The following PIK3CB variants were observed in gnomAD, a reference collection of about 807,000 sequenced individuals.
The protein encoded by PIK3CB is phosphatidylinositol-4,5-bisphosphate 3-kinase catalytic subunit beta.
Under a neutral mutation model 136.8 loss-of-function variants are expected in PIK3CB, and 39 were observed. The observed-to-expected ratio is 0.29, with a 90% CI of 0.22 to 0.37. The LOEUF (loss-of-function observed/expected upper bound fraction) is 0.37, where lower values mean the gene tolerates loss of function less well. Among genes scored for constraint, PIK3CB ranks in the 10% least tolerant of loss-of-function variants. The probability of loss-of-function intolerance (pLI) is 1.00; values close to 1 mark genes in which losing one functional copy is unlikely to be tolerated. For missense variants in PIK3CB, 868 were observed against 1,275.4 expected (o/e 0.68, Z 4.87); for synonymous variants, 428 against 436.6 (o/e 0.98, Z 0.25).
chr3:138,825,933 A>G (rs1673916517), intron 1 of PIK3CB: 1 of 1,557,744 alleles, frequency 6.4e-7, no homozygotes, highest in Non-Finnish European at 8.6e-7. Flanking sequence ...GACAGCAAAA[A>G]TGACCCACCA....
At chr3:138,807,263 G>A (rs1444193605) in intron 1 of PIK3CB, among the ~76,000 whole-genome samples, 3 of 151,798 alleles carry the variant, frequency 2.0e-5, no homozygotes, top group Non-Finnish European at 2.9e-5. Context: ...GTGAAACCCC[G>A]TCTCTACAAA....
At chr3:138,775,437 T>C (rs1474320740) in intron 2 of PIK3CB, among the ~76,000 whole-genome samples, 1 of 152,186 alleles carries the variant, frequency 6.6e-6, no homozygotes, top group South Asian at 2.1e-4. Context: ...AGTGAGAGAC[T>C]AGCGGAGGCA....
intron 23 of PIK3CB, 99 bp from the exon 24 acceptor site, chr3:138,655,625 C>G (rs2108383655): frequency 1.2e-6 from 1 of 840,106 alleles, no homozygotes; most frequent in East Asian, 2.4e-5. Flanking sequence ...CCTCCCCAGC[C>G]ACCATCAGGC....
rs1353548041 is a variant in PIK3CB, at chr3:138,773,883, G to A, written c.-16-14524C>T. On this transcript the variant is annotated intron_variant, in intron 2 of 23. Coordinates refer to ENST00000674063, the MANE Select transcript of PIK3CB (RefSeq NM_006219.3). The stretch of plus-strand genomic sequence containing the variant: ...TCAAGTGAACAGTATTTGGGACATG[G>A]GAACTATCATTAAGTGTTAAGCTAT... Among the ~76,000 whole-genome samples the A allele has an allele frequency of 2.0e-5, 3 of 152,120 alleles. No individual in the cohort carries two copies. In the East Asian group the frequency reaches 5.8e-4, roughly 29 times the overall value.
intron 1 of PIK3CB, among the ~76,000 whole-genome samples, chr3:138,818,178 C>T (rs566224537): frequency 3.3e-5 from 5 of 152,018 alleles, no homozygotes; most frequent in Non-Finnish European, 5.9e-5. Context: ...TCAGTTTGAC[C>T]AGAGAATAAA....
intron 2 of PIK3CB, among the ~76,000 whole-genome samples, chr3:138,777,064 A>T (rs1382532173): frequency 6.6e-6 from 1 of 152,202 alleles, no homozygotes; most frequent in African/African-American, 2.4e-5. Context: ...ATTATTTTAC[A>T]TCACTCCTGC....
intron 5 of PIK3CB, among the ~76,000 whole-genome samples, chr3:138,739,154 AGACCCCAGAG>A (rs2045181907): frequency 6.6e-6 from 1 of 152,104 alleles, no homozygotes; most frequent in Admixed American, 6.6e-5. Flanking sequence ...CTTATAAAAG[AGACCCCAGAG>A]GCCGTGCACG....
At chr3:138,751,549 C>G (rs398065) in intron 4 of PIK3CB, among the ~76,000 whole-genome samples, 88,904 of 151,962 alleles carry the variant, frequency 0.59, 26,814 homozygotes, top group East Asian at 0.98. Flanking sequence ...ATACCTTCTT[C>G]TAAGAGAATC....
At chr3:138,747,054 T>TTATATATA (rs59299476) in intron 4 of PIK3CB, among the ~76,000 whole-genome samples, 7 of 42,246 alleles carry the variant, frequency 1.7e-4, no homozygotes, top group Admixed American at 4.0e-4. Flanking sequence ...TATTCAGCCT[T>TTATATATA]TATATATATA....
chr3:138,722,586 AAAAAC>A (rs1176170569), intron 8 of PIK3CB, among the ~76,000 whole-genome samples: 1 of 152,148 alleles, frequency 6.6e-6, no homozygotes, highest in Non-Finnish European at 1.5e-5. Context: ...GCTAGTATTT[AAAAAC>A]AAAACAAAAC....
At chr3:138,771,719 C>T (rs1227846571) in intron 2 of PIK3CB, among the ~76,000 whole-genome samples, 2 of 152,034 alleles carry the variant, frequency 1.3e-5, no homozygotes, top group African/African-American at 4.8e-5. Context: ...AACATCTGCA[C>T]CAGCCTGGGC....
chr3:138,747,131 T>A (rs2045377711), intron 4 of PIK3CB, among the ~76,000 whole-genome samples: 1 of 103,844 alleles, frequency 9.6e-6, no homozygotes, highest in African/African-American at 3.5e-5. Context: ...GCAGGCACAA[T>A]CACAGCACAC....
chr3:138,829,852 C>G (rs902762422), intron 1 of PIK3CB, among the ~76,000 whole-genome samples: 5 of 152,080 alleles, frequency 3.3e-5, no homozygotes, highest in African/African-American at 1.2e-4. Flanking sequence ...CCATGCGAAC[C>G]CATTACATTG....
intron 1 of PIK3CB, among the ~76,000 whole-genome samples, chr3:138,811,576 C>T (rs981689488): frequency 5.3e-5 from 8 of 151,746 alleles, no homozygotes; most frequent in South Asian, 2.1e-4. Flanking sequence ...CAGGCGCCCG[C>T]GACCACACCT....
rs753111851 is a variant in PIK3CB, at chr3:138,734,739, G to A, written c.867C>T (p.Ile289=). The A allele has an allele frequency of 6.2e-7, 1 of 1,613,064 alleles. No homozygotes were observed. Among genetic ancestry groups the A allele is most frequent in the South Asian group, 1.1e-5 (1 of 91,036 alleles). ...TCATTTCTTGTTCATACATTTTCTTGATCTTGCAGCATTCCACAAGTATAA... is the reference window on the plus strand; with the variant it reads ...TCATTTCTTGTTCATACATTTTCTTAATCTTGCAGCATTCCACAAGTATAA... The part of the protein sequence containing the change: ...PHFILVECCK[I]KKMYEQEMIA... Residue 289 remains isoleucine, a synonymous_variant, in exon 7 of 24, where the codon ATC becomes ATT. Transcript: ENST00000674063.
chr3:138,765,273 T>C (rs556127346), intron 2 of PIK3CB, among the ~76,000 whole-genome samples: 3 of 152,166 alleles, frequency 2.0e-5, no homozygotes, highest in African/African-American at 7.2e-5. Context: ...GCCAAGATGA[T>C]GCCACTGCAC....
intron 4 of PIK3CB, among the ~76,000 whole-genome samples, chr3:138,753,243 G>C (rs1285230430): frequency 6.6e-6 from 1 of 151,920 alleles, no homozygotes; most frequent in Non-Finnish European, 1.5e-5. Context: ...AAAAACAGCT[G>C]GGCGCAGTGG....
intron 14 of PIK3CB, among the ~76,000 whole-genome samples, chr3:138,693,843 G>A (rs930319661): frequency 2.0e-5 from 3 of 149,376 alleles, no homozygotes; most frequent in Admixed American, 6.7e-5. Context: ...CCAAATTCAT[G>A]ATAATGTTTG....
At chr3:138,824,298 A>C (rs1454187266) in intron 1 of PIK3CB, among the ~76,000 whole-genome samples, 1 of 152,152 alleles carries the variant, frequency 6.6e-6, no homozygotes, top group Non-Finnish European at 1.5e-5. Context: ...AAGCACCAGA[A>C]GACAAACTAC....
Sources: gnomAD v4.1 joint callset for allele counts (sites outside exome capture counted in the v4.1 genomes callset) on GRCh38, gnomAD v4.1.1 for gene constraint, MANE v1.5 for transcripts, NCBI Gene and HGNC (gene_info 2026-07-23, HGNC 2026-07-21) for gene names.